The following FUT8 variants were observed in gnomAD, a reference collection of about 807,000 sequenced individuals.
FUT8 encodes the protein fucosyltransferase 8.
FUT8 carries 29 observed loss-of-function variants against 71.3 expected under a neutral mutation model. The observed-to-expected ratio is 0.41, with a 90% confidence interval of 0.30 to 0.55. The LOEUF is 0.55. Ranked by LOEUF, FUT8 falls within the 20% of genes least tolerant of loss-of-function variation. FUT8 has a pLI of 0.34. For missense variants in FUT8, 544 were observed against 702.1 expected (o/e 0.77, Z 2.55); for synonymous variants, 254 against 239.3 (o/e 1.06, Z -0.57).
At chr14:65,710,831 G>C (rs1894780304) in intron 7 of FUT8, among the ~76,000 whole-genome samples, 1 of 152,180 alleles carries the variant, frequency 6.6e-6, no homozygotes, top group Admixed American at 6.5e-5. Context: ...TGCGGGCTGT[G>C]TAAGAAGTAT....
At chr14:65,459,976 T>C (rs2065948400) in intron 2 of FUT8, among the ~76,000 whole-genome samples, 1 of 152,224 alleles carries the variant, frequency 6.6e-6, no homozygotes, top group South Asian at 2.1e-4. Flanking sequence ...GTATTTACTT[T>C]TGGATATTTG....
intron 5 of FUT8, among the ~76,000 whole-genome samples, chr14:65,620,009 T>C (rs1168989460): frequency 6.6e-6 from 1 of 152,232 alleles, no homozygotes; most frequent in African/African-American, 2.4e-5. Flanking sequence ...GTCTGTCTTA[T>C]CAACCTTTCA....
rs1896612222 is a variant in FUT8, at chr14:65,743,758, G to A, written c.*1348G>A. On this transcript the variant is annotated 3_prime_UTR_variant, in exon 11 of 11. Transcript: ENST00000673929. ...ATGTTAGAATCACTTCAGAAAATAA[G>A]ACTTTGATGCTTTGTCTCTGAGCAT... is the stretch of plus-strand genomic sequence containing the variant. 1 of 151,862 alleles carries A rather than the reference G, an allele frequency of 6.6e-6. No individual in the cohort carries two copies. Among genetic ancestry groups the A allele is most frequent in the South Asian group, 2.1e-4 (1 of 4,830 alleles). The allele number at this position is 151,862 out of a possible 1,614,324, so 9.4% of individuals were successfully genotyped here.
At chr14:65,370,574 T>C in the FUT8 span, among the ~76,000 whole-genome samples, 1 of 150,122 alleles carries the variant, frequency 6.7e-6, no homozygotes, top group Admixed American at 6.7e-5. Flanking sequence ...CATATAAATA[T>C]ATATAAACAA....
intron 1 of FUT8, among the ~76,000 whole-genome samples, chr14:65,450,877 T>A (rs1380757103): frequency 6.6e-6 from 1 of 151,780 alleles, no homozygotes; most frequent in Non-Finnish European, 1.5e-5. Flanking sequence ...TATTTTTTTT[T>A]TTTTTGAGAG....
chr14:65,624,939 G>A (rs562794010), intron 5 of FUT8, among the ~76,000 whole-genome samples: 1 of 152,280 alleles, frequency 6.6e-6, no homozygotes, highest in Non-Finnish European at 1.5e-5. Context: ...GGTGGTGCAT[G>A]CCTGTAATCC....
chr14:65,632,374 A>G (rs1225110220), intron 6 of FUT8, among the ~76,000 whole-genome samples: 1 of 152,218 alleles, frequency 6.6e-6, no homozygotes, highest in African/African-American at 2.4e-5. Context: ...CACCGCATCC[A>G]GGCCAAACAT....
chr14:65,721,381 T>C (rs893523616), intron 7 of FUT8, among the ~76,000 whole-genome samples: 1 of 152,254 alleles, frequency 6.6e-6, no homozygotes, highest in East Asian at 1.9e-4. Context: ...AATTTTGCTG[T>C]AATGAAAAGC....
the FUT8 span, among the ~76,000 whole-genome samples, chr14:65,399,579 G>C: frequency 6.6e-6 from 1 of 152,184 alleles, no homozygotes; most frequent in Non-Finnish European, 1.5e-5. Flanking sequence ...GTAGGAGCTG[G>C]CAAATGCATT....
chr14:65,647,452 GA>G (rs1486971065), intron 6 of FUT8, among the ~76,000 whole-genome samples: 5 of 152,306 alleles, frequency 3.3e-5, no homozygotes, highest in Non-Finnish European at 5.9e-5. Context: ...TGTCTTTAAT[GA>G]TAGTATGAGA....
At chr14:65,493,010 G>A (rs2066504527) in intron 2 of FUT8, among the ~76,000 whole-genome samples, 1 of 151,924 alleles carries the variant, frequency 6.6e-6, no homozygotes, top group Admixed American at 6.6e-5. Flanking sequence ...TTTAAACTTG[G>A]GCTCTCCAAT....
At chr14:65,422,354 A>G (rs2065311121) in intron 1 of FUT8, among the ~76,000 whole-genome samples, 1 of 152,132 alleles carries the variant, frequency 6.6e-6, no homozygotes, top group Admixed American at 6.5e-5. Flanking sequence ...TTCACCAAAC[A>G]GTAGAGTTAG....
intron 2 of FUT8, among the ~76,000 whole-genome samples, chr14:65,529,902 T>A (rs1035942342): frequency 1.3e-5 from 2 of 152,144 alleles, no homozygotes; most frequent in South Asian, 4.1e-4. Context: ...AAGGATTCAT[T>A]GAGGACTCTG....
chr14:65,523,070 A>G (rs959367907), intron 2 of FUT8, among the ~76,000 whole-genome samples: 2 of 152,158 alleles, frequency 1.3e-5, no homozygotes, highest in African/African-American at 4.8e-5. Context: ...ATGATTTATA[A>G]TCCTTTGGGT....
intron 1 of FUT8, among the ~76,000 whole-genome samples, chr14:65,447,120 T>C (rs768208599): frequency 6.6e-6 from 1 of 151,832 alleles, no homozygotes; most frequent in Non-Finnish European, 1.5e-5. Context: ...TGGTGAAATC[T>C]GGTCTCTACT....
At chr14:65,522,286 A>C (rs1883133569) in intron 2 of FUT8, among the ~76,000 whole-genome samples, 1 of 152,020 alleles carries the variant, frequency 6.6e-6, no homozygotes, top group African/African-American at 2.4e-5. Context: ...TGTTATTCTC[A>C]TTCCAGTATT....
At chr14:65,737,593 G>A (rs1896279965) in intron 10 of FUT8, among the ~76,000 whole-genome samples, 1 of 151,964 alleles carries the variant, frequency 6.6e-6, no homozygotes, top group African/African-American at 2.4e-5. Flanking sequence ...TATCAGAAAG[G>A]TTTTCTGAAA....
chr14:65,665,661 A>G (rs1892178369), intron 6 of FUT8, among the ~76,000 whole-genome samples: 1 of 152,202 alleles, frequency 6.6e-6, no homozygotes, highest in South Asian at 2.1e-4. Context: ...TATTCACGGT[A>G]GCAAAGACAT....
At chr14:65,439,002 A>AT (rs2065602383) in intron 1 of FUT8, among the ~76,000 whole-genome samples, 1 of 152,364 alleles carries the variant, frequency 6.6e-6, no homozygotes, top group East Asian at 1.9e-4. Flanking sequence ...CGATGTGTCC[A>AT]TTAAGTCTCC....
Sources: gnomAD v4.1 joint callset for allele counts (sites outside exome capture counted in the v4.1 genomes callset) on GRCh38, gnomAD v4.1.1 for gene constraint, MANE v1.5 for transcripts, NCBI Gene and HGNC (gene_info 2026-07-23, HGNC 2026-07-21) for gene names.